SLIT2: variants seen among roughly 807,000 people sequenced by gnomAD.
The protein encoded by SLIT2 is slit guidance ligand 2.
In SLIT2, 41 loss-of-function variants were observed where a neutral mutation model predicts 185.7. That is an observed-to-expected ratio of 0.22 (90% CI 0.17 to 0.29). The LOEUF is 0.29. Among genes scored for constraint, SLIT2 ranks in the 10% least tolerant of loss-of-function variants. SLIT2 has a pLI of 1.00. For synonymous variants in SLIT2, 693 were observed against 680.2 expected (o/e 1.02, Z -0.29); for missense variants, 1,571 against 1,909.0 (o/e 0.82, Z 3.30).
intron 5 of SLIT2, among the ~76,000 whole-genome samples, chr4:20,469,246 A>G (rs1714692696): frequency 6.6e-6 from 1 of 152,148 alleles, no homozygotes; most frequent in African/African-American, 2.4e-5. Flanking sequence ...CTGTAAAAAT[A>G]CGGCAATAGC....
intron 4 of SLIT2, among the ~76,000 whole-genome samples, chr4:20,382,609 A>T (rs1263047181): frequency 6.6e-6 from 1 of 152,182 alleles, no homozygotes; most frequent in East Asian, 1.9e-4. Context: ...TAGAATATAT[A>T]TTCAGTCTGA....
At chr4:20,326,746 C>CTTTTTTTT (rs59509608) in intron 4 of SLIT2, among the ~76,000 whole-genome samples, 3 of 54,728 alleles carry the variant, frequency 5.5e-5, no homozygotes, top group Non-Finnish European at 9.5e-5. Flanking sequence ...ATTCTGAAAC[C>CTTTTTTTT]TTTTTTTTTT....
chr4:20,350,031 G>A (rs6822109), intron 4 of SLIT2, among the ~76,000 whole-genome samples: 151,564 of 152,308 alleles, frequency 1, 75,411 homozygotes, highest in Middle Eastern at 1. Context: ...ATTTACAGTA[G>A]ACTGCAATAA....
chr4:20,502,368 A>ATTTGAGTTTTTGAGTTTTG, intron 9 of SLIT2, among the ~76,000 whole-genome samples: 1 of 152,216 alleles, frequency 6.6e-6, no homozygotes, highest in South Asian at 2.1e-4. Flanking sequence ...CGTTTTAAAA[A>ATTTGAGTTTTTGAGTTTTG]AGTACTTCTA....
At chr4:20,523,428 C>A (rs1036778308) in intron 12 of SLIT2, among the ~76,000 whole-genome samples, 1 of 152,142 alleles carries the variant, frequency 6.6e-6, no homozygotes, top group Non-Finnish European at 1.5e-5. Context: ...TGTCTTAGAG[C>A]ATTTTTATGG....
At chr4:20,256,540 C>T in intron 1 of SLIT2, 132 bp from the exon 2 acceptor site, 1 of 527,530 alleles carries the variant, frequency 1.9e-6, no homozygotes, top group Non-Finnish European at 3.4e-6. Flanking sequence ...TTATCCTCTT[C>T]TCCTTCCTAC....
At chr4:20,354,640 TA>T (rs2109273262) in intron 4 of SLIT2, among the ~76,000 whole-genome samples, 1 of 152,296 alleles carries the variant, frequency 6.6e-6, no homozygotes, top group South Asian at 2.1e-4. Context: ...AAACTGACTA[TA>T]TTTTTGCATG....
chr4:20,350,490 A>G (rs1046386347), intron 4 of SLIT2, among the ~76,000 whole-genome samples: 11 of 152,194 alleles, frequency 7.2e-5, no homozygotes, highest in African/African-American at 2.4e-4. Context: ...GGCTCATCTC[A>G]TAAGATCCCG....
chr4:20,537,612 C>T (rs1442669710), intron 18 of SLIT2, among the ~76,000 whole-genome samples: 2 of 152,220 alleles, frequency 1.3e-5, no homozygotes, highest in East Asian at 3.9e-4. Context: ...GAAGTGCTTA[C>T]ATTTTAGCAC....
intron 4 of SLIT2, among the ~76,000 whole-genome samples, chr4:20,341,771 TACTC>T (rs1163898737): frequency 1.3e-5 from 2 of 152,208 alleles, no homozygotes; most frequent in African/African-American, 4.8e-5. Flanking sequence ...CTGTATTACA[TACTC>T]ACACTTAATA....
rs751219407 is a variant in SLIT2, at chr4:20,333,451, T to G, written c.395+64570T>G. Among the ~76,000 whole-genome samples the G allele has an allele frequency of 3.7e-4, 56 of 152,164 alleles. 1 individual carries two copies. Among genetic ancestry groups the G allele is most frequent in the Admixed American group, 7.2e-4 (11 of 15,272 alleles). On this transcript the variant is annotated intron_variant, in intron 4 of 36. Coordinates refer to ENST00000504154, the MANE Select transcript of SLIT2 (RefSeq NM_004787.4). ...TGTATGATTATGCATATGTTTCACC[T>G]CCTTGTTTCTCCCTCTCCCTCCACT...
intron 9 of SLIT2, among the ~76,000 whole-genome samples, chr4:20,508,815 G>A (rs1719438746): frequency 6.6e-6 from 1 of 152,096 alleles, no homozygotes; most frequent in Non-Finnish European, 1.5e-5. Context: ...AAATGTTACA[G>A]TGAGTTCAAG....
intron 4 of SLIT2, among the ~76,000 whole-genome samples, chr4:20,377,951 T>C (rs1560369011): frequency 6.6e-6 from 1 of 152,156 alleles, no homozygotes; most frequent in Non-Finnish European, 1.5e-5. Flanking sequence ...ATAATCACCA[T>C]AATGGTGGTT....
chr4:20,525,174 T>C lies in SLIT2; in HGVS notation c.1462+2T>C. 2 of 1,608,056 alleles carry C rather than the reference T, an allele frequency of 1.2e-6. No individual in the cohort carries two copies. Among genetic ancestry groups the C allele is most frequent in the Non-Finnish European group, 1.7e-6 (2 of 1,174,650 alleles). On this transcript the variant is annotated splice_donor_variant, in intron 15 of 36. Transcript: ENST00000504154. LOFTEE classifies it high-confidence loss of function. ...CTAAAGAACAGTATTTCATTCCAGG[T>C]AGGTTTTGCTCGGTAGTAGGACTAA...
chr4:20,345,536 T>C (rs1011287765), intron 4 of SLIT2, among the ~76,000 whole-genome samples: 3 of 134,026 alleles, frequency 2.2e-5, no homozygotes, highest in Admixed American at 7.1e-5. Flanking sequence ...TTTCCTTTTT[T>C]CTTTTTTCTT....
intron 4 of SLIT2, among the ~76,000 whole-genome samples, chr4:20,296,145 A>G (rs1178385564): frequency 1.3e-5 from 2 of 152,218 alleles, no homozygotes; most frequent in Non-Finnish European, 2.9e-5. Context: ...ATGAGAATAA[A>G]CTGATTAAAC....
intron 11 of SLIT2, 91 bp downstream of exon 11, chr4:20,511,228 G>A: frequency 1.5e-6 from 1 of 688,596 alleles, no homozygotes; most frequent in South Asian, 1.8e-5. Context: ...ATGCTCTCAG[G>A]TTTTTATTAT....
At chr4:20,545,425 T>G (rs1381761428) in intron 21 of SLIT2, among the ~76,000 whole-genome samples, 1 of 151,470 alleles carries the variant, frequency 6.6e-6, no homozygotes, top group Non-Finnish European at 1.5e-5. Flanking sequence ...AGGGAAAGTT[T>G]ACTTATATAT....
chr4:20,370,591 C>T (rs912759548), intron 4 of SLIT2, among the ~76,000 whole-genome samples: 7 of 152,118 alleles, frequency 4.6e-5, no homozygotes, highest in African/African-American at 1.7e-4. Context: ...TCTCCATGGA[C>T]ATTTCAAACT....
Sources: allele counts gnomAD v4.1 joint callset (sites outside exome capture counted in the v4.1 genomes callset), GRCh38; gene constraint gnomAD v4.1.1; transcripts MANE v1.5; gene names NCBI Gene and HGNC (gene_info 2026-07-23, HGNC 2026-07-21).